The following TRIM5 variants were observed in gnomAD, a reference collection of about 807,000 sequenced individuals.
The protein encoded by TRIM5 is tripartite motif-containing protein 5.
TRIM5 carries 31 observed loss-of-function variants against 35.6 expected under a neutral mutation model. The observed-to-expected ratio is 0.87, with a 90% CI of 0.65 to 1.18. TRIM5 has a LOEUF of 1.18. Among genes scored for constraint, TRIM5 ranks in the 50% most tolerant of loss-of-function variants. The probability of loss-of-function intolerance (pLI) is 0.00; values close to 1 mark genes in which losing one functional copy is unlikely to be tolerated. For missense variants in TRIM5, 609 were observed against 591.6 expected (o/e 1.03, Z -0.31); for synonymous variants, 243 against 215.6 (o/e 1.13, Z -1.11).
chr11:5,588,957 T>A, the TRIM5 span: 1 of 151,982 alleles, frequency 6.6e-6, no homozygotes, highest in Non-Finnish European at 1.5e-5. Flanking sequence ...CTAATTTTTT[T>A]ATATTTTTAG....
chr11:5,592,614 A>C, the TRIM5 span, among the ~76,000 whole-genome samples: 2 of 152,086 alleles, frequency 1.3e-5, no homozygotes, highest in African/African-American at 4.8e-5. Context: ...AAGAAAATAT[A>C]AAATATCAAA....
At chr11:5,646,044 T>TACATATGTATAATACAA in the TRIM5 span, among the ~76,000 whole-genome samples, 1 of 114,280 alleles carries the variant, frequency 8.8e-6, no homozygotes, top group Non-Finnish European at 1.7e-5. Flanking sequence ...CATAAATATA[T>TACATATGTATAATACAA]TAGATTATAT....
At chr11:5,682,612 G>T (rs1852576386) in intron 1 of TRIM5, among the ~76,000 whole-genome samples, 1 of 152,148 alleles carries the variant, frequency 6.6e-6, no homozygotes, top group South Asian at 2.1e-4. Flanking sequence ...GATCCAAGGG[G>T]GAAATTAGAC....
the TRIM5 span, chr11:5,610,410 A>G: frequency 1.7e-5 from 27 of 1,586,104 alleles, no homozygotes; most frequent in East Asian, 2.2e-5. Context: ...TTAAGGGGAG[A>G]TGAAATGGCC....
In TRIM5 at chr11:5,665,962, T is replaced by C. The variant is rs572858120; in HGVS notation, c.868+19A>G. On this transcript the variant is annotated intron_variant, in intron 6 of 7. Coordinates refer to ENST00000380034, the MANE Select transcript of TRIM5 (RefSeq NM_033034.3). The stretch of plus-strand genomic sequence containing the variant: ...CCACTTGAATTCCATAACCCTGTTG[T>C]TGATCTAGCTCTCCTCACCTCTAAA... 1.3e-6 allele frequency: 2 copies of C among 1,594,382 alleles called. No homozygotes were observed. Among genetic ancestry groups the C allele is most frequent in the South Asian group, 2.3e-5 (2 of 87,824 alleles).
intron 1 of TRIM5, among the ~76,000 whole-genome samples, chr11:5,681,237 C>A (rs1369390553): frequency 6.6e-6 from 1 of 152,098 alleles, no homozygotes; most frequent in Non-Finnish European, 1.5e-5. Context: ...CCGGAACAAA[C>A]GGAGGGTCGG....
the TRIM5 span, among the ~76,000 whole-genome samples, chr11:5,607,036 T>A: frequency 6.6e-6 from 1 of 152,032 alleles, no homozygotes. Flanking sequence ...ACCCCGTCTC[T>A]ACTAAAAACA....
At chr11:5,641,223 G>A in the TRIM5 span, 3 of 1,613,622 alleles carry the variant, frequency 1.9e-6, no homozygotes, top group Non-Finnish European at 1.7e-6. Flanking sequence ...GTGCTTGTGA[G>A]TTATAAAGAA....
chr11:5,669,236 C>T (rs747189192), intron 4 of TRIM5, among the ~76,000 whole-genome samples: 2 of 152,092 alleles, frequency 1.3e-5, no homozygotes, highest in Non-Finnish European at 2.9e-5. Flanking sequence ...TGCGCCACCA[C>T]GCCTGGCTAA....
chr11:5,627,149 G>A, the TRIM5 span, among the ~76,000 whole-genome samples: 7 of 151,950 alleles, frequency 4.6e-5, no homozygotes, highest in African/African-American at 7.3e-5. Flanking sequence ...AGGCCAAGGC[G>A]GGTGGATCAC....
rs1181513879 is a variant in TRIM5 at position 5,678,309 on chromosome 11, G to C, written c.639C>G (p.Ser213Arg). Residue 213 changes from serine to arginine, a missense_variant, in exon 4 of 8, where the codon AGC (serine) becomes AGG (arginine). Coordinates refer to ENST00000380034, the MANE Select transcript of TRIM5 (RefSeq NM_033034.3). ...LEKEEEDILKSLTNSETEMVQ... is the reference protein window; with the variant it reads ...LEKEEEDILKRLTNSETEMVQ... ...CCATCTCAGTTTCAGAGTTCGTAAG[G>C]CTTTTCAGAATGTCTTCCTCCTCCT... The C allele has an allele frequency of 1.9e-6, 3 of 1,613,922 alleles. No individual in the cohort carries two copies. The highest frequency in any genetic ancestry group is 2.5e-6 in the Non-Finnish European group (3 of 1,179,952).
chr11:5,641,070 T>C, the TRIM5 span: 1 of 1,467,002 alleles, frequency 6.8e-7, no homozygotes, highest in Non-Finnish European at 9.1e-7. Flanking sequence ...AACTCACTTC[T>C]GATTTTTCCA....
chr11:5,672,921 G>A (rs1851681958), intron 4 of TRIM5, among the ~76,000 whole-genome samples: 1 of 152,094 alleles, frequency 6.6e-6, no homozygotes, highest in Non-Finnish European at 1.5e-5. Flanking sequence ...GAGTACTAAT[G>A]TCATACAGCT....
the TRIM5 span, among the ~76,000 whole-genome samples, chr11:5,645,508 G>A: frequency 6.6e-6 from 1 of 151,858 alleles, no homozygotes; most frequent in Non-Finnish European, 1.5e-5. Flanking sequence ...AAATGAATAG[G>A]TTAAAATTAA....
the TRIM5 span, among the ~76,000 whole-genome samples, chr11:5,592,526 C>G: frequency 6.6e-6 from 1 of 151,842 alleles, no homozygotes; most frequent in Non-Finnish European, 1.5e-5. Context: ...TCTTAAATAC[C>G]GTGCTATATG....
the TRIM5 span, chr11:5,612,590 CT>C: frequency 6.6e-6 from 1 of 152,196 alleles, no homozygotes; most frequent in African/African-American, 2.4e-5. Flanking sequence ...TCCACACTCT[CT>C]TTATGCGCAG....
At chr11:5,605,189 CA>C in the TRIM5 span, 1 of 1,072,524 alleles carries the variant, frequency 9.3e-7, no homozygotes, top group Non-Finnish European at 1.4e-6. Flanking sequence ...GAACAGGCTA[CA>C]AAGGCTTTCT....
chr11:5,590,620 C>T, the TRIM5 span: 1 of 152,136 alleles, frequency 6.6e-6, no homozygotes, highest in Non-Finnish European at 1.5e-5. Context: ...AGCGCCCTGT[C>T]AAAACAGACC....
chr11:5,660,958 C>T (rs562355551), downstream of TRIM5, among the ~76,000 whole-genome samples: 124 of 137,002 alleles, frequency 9.1e-4, 2 homozygotes, highest in African/African-American at 3.3e-3. Context: ...AGGAGAATGG[C>T]GTGAACCCAG....
Sources: gnomAD v4.1 joint callset for allele counts (sites outside exome capture counted in the v4.1 genomes callset) on GRCh38, gnomAD v4.1.1 for gene constraint, MANE v1.5 for transcripts, NCBI Gene and HGNC (gene_info 2026-07-23, HGNC 2026-07-21) for gene names.